SLCO1C1: variants seen among roughly 807,000 people sequenced by gnomAD.
The protein encoded by SLCO1C1 is solute carrier organic anion transporter family member 1C1, also known as OAT-RP-5.
Under a neutral mutation model 76.4 loss-of-function variants are expected in SLCO1C1, and 70 were observed. The observed-to-expected ratio is 0.92, with a 90% confidence interval of 0.76 to 1.12. The LOEUF is 1.12. Among genes scored for constraint, SLCO1C1 ranks in the 50% most tolerant of loss-of-function variants. The pLI, the probability that SLCO1C1 is intolerant of heterozygous loss-of-function variation, is 0.00. For missense variants in SLCO1C1, 912 were observed against 823.8 expected (o/e 1.11, Z -1.31); for synonymous variants, 306 against 286.1 (o/e 1.07, Z -0.70).
At chr12:20,738,599 T>C (rs1948658666) in intron 11 of SLCO1C1, among the ~76,000 whole-genome samples, 1 of 152,230 alleles carries the variant, frequency 6.6e-6, no homozygotes, top group South Asian at 2.1e-4. Flanking sequence ...CATGTTTTCA[T>C]GCTTCTCTTT....
intron 11 of SLCO1C1, among the ~76,000 whole-genome samples, chr12:20,738,082 C>CTT (rs1948630604): frequency 6.6e-6 from 1 of 151,946 alleles, no homozygotes; most frequent in African/African-American, 2.4e-5. Context: ...CCTGTCTCTT[C>CTT]TTATAAGGGC....
At chr12:20,745,869 T>C (rs1949021545) in intron 13 of SLCO1C1, among the ~76,000 whole-genome samples, 1 of 152,056 alleles carries the variant, frequency 6.6e-6, no homozygotes, top group South Asian at 2.1e-4. Flanking sequence ...TTCTTAAATT[T>C]GAACTTAAAA....
At chr12:20,712,874 C>A (rs899122066) in intron 5 of SLCO1C1, among the ~76,000 whole-genome samples, 66 of 152,214 alleles carry the variant, frequency 4.3e-4, no homozygotes, top group African/African-American at 1.6e-3. Context: ...AAAGAAGGAA[C>A]TCATTCTAGA....
intron 5 of SLCO1C1, among the ~76,000 whole-genome samples, chr12:20,711,949 A>G (rs1565508693): frequency 6.6e-6 from 1 of 152,130 alleles, no homozygotes; most frequent in East Asian, 1.9e-4. Flanking sequence ...TTTTGTCCCC[A>G]GGGTTTGTTT....
Position 20,745,191 on chromosome 12 carries a change from A to T in SLCO1C1, c.1798+1822A>T, listed in dbSNP as rs372021151. ...GGATAAATTTCAGGATGGAAGTAAGACTTTGTAAATGTAGCTTTTTATATG... is the reference window on the plus strand; with the variant it reads ...GGATAAATTTCAGGATGGAAGTAAGTCTTTGTAAATGTAGCTTTTTATATG... On this transcript the variant is annotated intron_variant, in intron 13 of 14. Coordinates refer to ENST00000266509, the MANE Select transcript of SLCO1C1 (RefSeq NM_017435.5). Among the ~76,000 whole-genome samples, 210 of 152,294 alleles carry T rather than the reference A, an allele frequency of 1.4e-3. 7 individuals are homozygous for T. In the South Asian group the frequency reaches 0.042, roughly 31 times the overall value.
chr12:20,741,855 A>G (rs1038520250), intron 12 of SLCO1C1, among the ~76,000 whole-genome samples: 10 of 152,214 alleles, frequency 6.6e-5, no homozygotes, highest in Non-Finnish European at 1.5e-4. Context: ...ATGAAAAGTC[A>G]ACATTTACTA....
At chr12:20,713,149 G>A (rs898962637) in intron 5 of SLCO1C1, among the ~76,000 whole-genome samples, 4 of 148,506 alleles carry the variant, frequency 2.7e-5, no homozygotes, top group African/African-American at 1.0e-4. Flanking sequence ...GCGCGATCTC[G>A]GCTCACTGCA....
At chr12:20,749,650 A>C (rs1309974112) in intron 13 of SLCO1C1, among the ~76,000 whole-genome samples, 1 of 152,208 alleles carries the variant, frequency 6.6e-6, no homozygotes, top group African/African-American at 2.4e-5. Flanking sequence ...CACATGAGAG[A>C]CACATTTTCT....
intron 9 of SLCO1C1, among the ~76,000 whole-genome samples, chr12:20,725,695 A>T (rs1947947548): frequency 6.6e-6 from 1 of 150,778 alleles, no homozygotes; most frequent in Non-Finnish European, 1.5e-5. Flanking sequence ...CAGAGGGAGA[A>T]TATGTGTTTA....
intron 12 of SLCO1C1, 37 bp downstream of exon 12, chr12:20,740,405 A>G: frequency 6.4e-7 from 1 of 1,551,998 alleles, no homozygotes; most frequent in Non-Finnish European, 8.7e-7. Flanking sequence ...TTTTAACACA[A>G]GACACAATCA....
At chr12:20,751,025 A>G in intron 14 of SLCO1C1, 1 of 784,724 alleles carries the variant, frequency 1.3e-6, no homozygotes. Flanking sequence ...TCATTTTTAA[A>G]ATATGACAAA....
intron 10 of SLCO1C1, 132 bp from the exon 11 acceptor site, chr12:20,736,975 G>T (rs1214779583): frequency 1.6e-6 from 1 of 621,554 alleles, no homozygotes; most frequent in Non-Finnish European, 2.5e-6. Context: ...CATTTCTGAT[G>T]ACAACTGTGT....
intron 12 of SLCO1C1, among the ~76,000 whole-genome samples, chr12:20,740,828 T>G: frequency 7.4e-6 from 1 of 134,686 alleles, no homozygotes; most frequent in East Asian, 2.3e-4. Flanking sequence ...TGGCTTTATC[T>G]GTATATTTTT....
chr12:20,708,216 T>C (rs917478970), intron 4 of SLCO1C1, among the ~76,000 whole-genome samples: 2 of 152,172 alleles, frequency 1.3e-5, no homozygotes, highest in African/African-American at 2.4e-5. Flanking sequence ...CTATTAATCA[T>C]GGATAGCAAC....
chr12:20,723,651 A>C (rs1357874763), intron 9 of SLCO1C1, among the ~76,000 whole-genome samples: 1 of 152,158 alleles, frequency 6.6e-6, no homozygotes, highest in Non-Finnish European at 1.5e-5. Context: ...CGGTCAAAAA[A>C]CTTTTCTGAC....
intron 7 of SLCO1C1, among the ~76,000 whole-genome samples, chr12:20,721,114 C>G (rs908762527): frequency 6.0e-5 from 9 of 150,616 alleles, no homozygotes; most frequent in Non-Finnish European, 1.0e-4. Context: ...GTGAACATTA[C>G]TGAAATGACA....
chr12:20,735,898 T>G (rs758179041), intron 10 of SLCO1C1, among the ~76,000 whole-genome samples: 1 of 152,266 alleles, frequency 6.6e-6, no homozygotes, highest in East Asian at 1.9e-4. Context: ...TCTGGACATA[T>G]GGGAGTGAAT....
At chr12:20,749,374 C>A (rs1246009855) in intron 13 of SLCO1C1, among the ~76,000 whole-genome samples, 2 of 152,120 alleles carry the variant, frequency 1.3e-5, no homozygotes, top group African/African-American at 4.8e-5. Flanking sequence ...CAAGTGTAGG[C>A]AGCGGTTGGG....
At chr12:20,749,340 G>A (rs1366125095) in intron 13 of SLCO1C1, among the ~76,000 whole-genome samples, 3 of 152,204 alleles carry the variant, frequency 2.0e-5, no homozygotes, top group African/African-American at 7.2e-5. Context: ...CAGAGAGAAA[G>A]CTGTATGGAC....
Sources: gnomAD v4.1 joint callset for allele counts (sites outside exome capture counted in the v4.1 genomes callset) on GRCh38, gnomAD v4.1.1 for gene constraint, MANE v1.5 for transcripts, NCBI Gene and HGNC (gene_info 2026-07-23, HGNC 2026-07-21) for gene names.